The following MYO1D variants were observed in gnomAD, a reference collection of about 807,000 sequenced individuals.
MYO1D encodes the protein myosin ID.
In MYO1D, 83 loss-of-function variants were observed where a neutral mutation model predicts 122.0. The ratio of observed to expected loss-of-function variants is 0.68; its 90% CI spans 0.57 to 0.82. The LOEUF (loss-of-function observed/expected upper bound fraction) is 0.82, where lower values mean the gene tolerates loss of function less well. MYO1D is among the 40% of genes least tolerant of loss of function. MYO1D has a pLI of 0.00. For synonymous variants in MYO1D, 464 were observed against 446.9 expected, an observed-to-expected ratio of 1.04 and a Z score of -0.48; for missense variants, 1,157 against 1,269.5, an observed-to-expected ratio of 0.91 and a Z score of 1.35.
At chr17:32,844,111 TTAAA>T (rs1233720733) in intron 1 of MYO1D, among the ~76,000 whole-genome samples, 5 of 150,268 alleles carry the variant, frequency 3.3e-5, no homozygotes, top group Non-Finnish European at 7.4e-5. Flanking sequence ...AGTAAATTTA[TTAAA>T]TATTCTATTA....
chr17:32,573,036 C>A (rs1017725799), intron 21 of MYO1D, among the ~76,000 whole-genome samples: 1 of 151,468 alleles, frequency 6.6e-6, no homozygotes, highest in Non-Finnish European at 1.5e-5. Context: ...GCCTGTATCC[C>A]AATCACCTTC....
chr17:32,849,120 A>G (rs543282974), intron 1 of MYO1D, among the ~76,000 whole-genome samples: 85 of 152,192 alleles, frequency 5.6e-4, no homozygotes, highest in African/African-American at 2.0e-3. Context: ...ATGAGATATC[A>G]TCTCACACCA....
Position 32,731,505 on chromosome 17 carries a change from T to C in MYO1D, c.1746+6748A>G, listed in dbSNP as rs139862690. On this transcript the variant is annotated intron_variant, in intron 14 of 21. Coordinates refer to ENST00000318217, the MANE Select transcript of MYO1D (RefSeq NM_015194.3). The stretch of plus-strand genomic sequence containing the variant: ...ATGAGTCTGAACCTGCTGTTTGTTG[T>C]TTAGTTTGCCTTTTACTTATAGTAT... Among the ~76,000 whole-genome samples, 83 of 152,354 alleles carry C rather than the reference T, an allele frequency of 5.4e-4. 2 individuals are homozygous for C. In the East Asian group the frequency reaches 0.015, roughly 28 times the overall value.
At chr17:32,770,824 A>G (rs1359112749) in intron 6 of MYO1D, among the ~76,000 whole-genome samples, 2 of 152,184 alleles carry the variant, frequency 1.3e-5, no homozygotes, top group East Asian at 3.8e-4. Flanking sequence ...TCCTATCAAT[A>G]TTTTTATAGT....
intron 1 of MYO1D, among the ~76,000 whole-genome samples, chr17:32,841,141 A>T (rs2090876176): frequency 6.6e-6 from 1 of 152,152 alleles, no homozygotes. Context: ...GACTTACAAT[A>T]GTTTCAACTT....
intron 16 of MYO1D, among the ~76,000 whole-genome samples, chr17:32,673,272 T>C (rs534504848): frequency 9.2e-5 from 14 of 151,792 alleles, no homozygotes; most frequent in African/African-American, 3.4e-4. Context: ...CCTGGCTAAT[T>C]TTTTGTATTT....
At chr17:32,512,160 T>G (rs1909716340) in intron 21 of MYO1D, among the ~76,000 whole-genome samples, 2 of 151,924 alleles carry the variant, frequency 1.3e-5, no homozygotes, top group African/African-American at 4.8e-5. Context: ...ATTAGCCAGG[T>G]GTGGTGGTGC....
In MYO1D at chr17:32,528,679, C is replaced by G. The variant is rs1392753469; in HGVS notation, c.2865-33764G>C. Reference sequence around the variant, plus strand: ...GACCCTAGATACAATCACAAGTATTCTTTTAAAAGAGAGGCAGAGGGAGAT... The same window carrying G: ...GACCCTAGATACAATCACAAGTATTGTTTTAAAAGAGAGGCAGAGGGAGAT... On this transcript the variant is annotated intron_variant, in intron 21 of 21. Transcript: ENST00000318217. Among the ~76,000 whole-genome samples, 4 of 152,000 alleles carry G rather than the reference C, an allele frequency of 2.6e-5. No homozygotes were observed. The East Asian group carries it at 7.7e-4, about 29-fold the overall frequency.
At chr17:32,559,198 G>A (rs144813418) in intron 21 of MYO1D, among the ~76,000 whole-genome samples, 188 of 152,250 alleles carry the variant, frequency 1.2e-3, no homozygotes, top group African/African-American at 4.3e-3. Context: ...AGAAAAGCTT[G>A]TATAAAAAAG....
intron 21 of MYO1D, among the ~76,000 whole-genome samples, chr17:32,570,512 C>T (rs1219401528): frequency 1.3e-5 from 2 of 151,994 alleles, no homozygotes; most frequent in East Asian, 1.9e-4. Flanking sequence ...TACAGGCACC[C>T]GCCACATTTT....
intron 1 of MYO1D, among the ~76,000 whole-genome samples, chr17:32,843,562 A>G (rs2090905064): frequency 1.3e-5 from 2 of 152,192 alleles, no homozygotes; most frequent in African/African-American, 4.8e-5. Context: ...AAGAAAATCC[A>G]AAGTCACCAA....
At chr17:32,575,500 T>C (rs371670908) in intron 21 of MYO1D, among the ~76,000 whole-genome samples, 1 of 152,250 alleles carries the variant, frequency 6.6e-6, no homozygotes, top group African/African-American at 2.4e-5. Context: ...GGTGTGATTA[T>C]ATAGTACAAG....
intron 1 of MYO1D, among the ~76,000 whole-genome samples, chr17:32,816,458 T>G (rs1354043955): frequency 5.9e-5 from 9 of 152,234 alleles, no homozygotes; most frequent in Non-Finnish European, 1.3e-4. Flanking sequence ...ACTTTTCGTC[T>G]TAAACTTTGA....
chr17:32,869,574 T>C (rs1202988994), intron 1 of MYO1D, among the ~76,000 whole-genome samples: 1 of 152,144 alleles, frequency 6.6e-6, no homozygotes, highest in Non-Finnish European at 1.5e-5. Flanking sequence ...TTAAATGAGG[T>C]CACTCCTAGA....
intron 21 of MYO1D, among the ~76,000 whole-genome samples, chr17:32,555,380 AACTAT>A (rs796894284): frequency 2.2e-4 from 33 of 152,158 alleles, no homozygotes; most frequent in African/African-American, 7.5e-4. Context: ...ATATTTGTAA[AACTAT>A]ACACAGATCT....
intron 21 of MYO1D, among the ~76,000 whole-genome samples, chr17:32,517,684 C>A (rs764151146): frequency 6.6e-6 from 1 of 152,174 alleles, no homozygotes; most frequent in Admixed American, 6.5e-5. Flanking sequence ...GAAGAGCTGG[C>A]CCCGCTTTGC....
At chr17:32,819,032 C>T (rs2090637915) in intron 1 of MYO1D, among the ~76,000 whole-genome samples, 1 of 152,110 alleles carries the variant, frequency 6.6e-6, no homozygotes, top group Non-Finnish European at 1.5e-5. Flanking sequence ...AGTGTTCTAT[C>T]TACAAAAAAG....
intron 1 of MYO1D, among the ~76,000 whole-genome samples, chr17:32,828,759 C>T (rs1321951109): frequency 6.6e-6 from 1 of 152,166 alleles, no homozygotes; most frequent in African/African-American, 2.4e-5. Context: ...ATGCCTGCTT[C>T]GTGCTAAGAG....
chr17:32,701,340 T>G (rs536811047), intron 16 of MYO1D, among the ~76,000 whole-genome samples: 1 of 152,214 alleles, frequency 6.6e-6, no homozygotes, highest in East Asian at 1.9e-4. Context: ...CTCAAAAGAT[T>G]AACTCCAAGG....
Sources: gnomAD v4.1 joint callset for allele counts (sites outside exome capture counted in the v4.1 genomes callset) on GRCh38, gnomAD v4.1.1 for gene constraint, MANE v1.5 for transcripts, NCBI Gene and HGNC (gene_info 2026-07-23, HGNC 2026-07-21) for gene names.